The following ANK1 variants were observed in gnomAD, a reference collection of about 807,000 sequenced individuals.
The protein encoded by ANK1 is ankyrin 1.
In ANK1, 51 loss-of-function variants were observed where a neutral mutation model predicts 210.4. The ratio of observed to expected loss-of-function variants is 0.24; its 90% CI spans 0.19 to 0.31. The LOEUF (loss-of-function observed/expected upper bound fraction) is 0.31, where lower values mean the gene tolerates loss of function less well. ANK1 is among the 10% of genes least tolerant of loss of function. The pLI is 1.00. For synonymous variants in ANK1, 967 were observed against 1,025.9 expected (o/e 0.94, Z 1.10); for missense variants, 2,051 against 2,504.4 (o/e 0.82, Z 3.86).
chr8:41,824,530 A>T (rs1224062017), intron 1 of ANK1, among the ~76,000 whole-genome samples: 1 of 152,280 alleles, frequency 6.6e-6, no homozygotes, highest in Non-Finnish European at 1.5e-5. Flanking sequence ...CAGAAATTCT[A>T]TTTCCACAGA....
chr8:41,890,993 A>T (rs985847709), intron 1 of ANK1, among the ~76,000 whole-genome samples: 1 of 152,232 alleles, frequency 6.6e-6, no homozygotes, highest in African/African-American at 2.4e-5. Context: ...AGTAGAAGAG[A>T]TAAAACAAGA....
intron 42 of ANK1, among the ~76,000 whole-genome samples, chr8:41,657,419 G>A (rs1806134481): frequency 6.6e-6 from 1 of 152,182 alleles, no homozygotes; most frequent in African/African-American, 2.4e-5. Context: ...ACACATAGGT[G>A]CTTAGCATTG....
chr8:41,811,378 T>TG (rs1372407904), intron 1 of ANK1, among the ~76,000 whole-genome samples: 1 of 152,226 alleles, frequency 6.6e-6, no homozygotes, highest in African/African-American at 2.4e-5. Flanking sequence ...AGAAGCAAGA[T>TG]GGAGTCAGTC....
rs1585810972 is a variant in ANK1, at chr8:41,662,021, G to A, written c.5479-80C>T. 3.9e-6 allele frequency: 6 copies of A among 1,528,256 alleles called. No individual in the cohort carries two copies. The Admixed American group carries it at 5.1e-5, about 13-fold the overall frequency. The allele number at this position is 1,528,256 out of a possible 1,614,324, so 94.7% of individuals were successfully genotyped here. On this transcript the variant is annotated intron_variant, in intron 40 of 42. Transcript: ENST00000289734. Reference sequence around the variant, plus strand: ...TGTCTGTAATCTCAGCACTTTGGGAGGCTGACGTGCAGATCATCTGAGGTC... The same window carrying A: ...TGTCTGTAATCTCAGCACTTTGGGAAGCTGACGTGCAGATCATCTGAGGTC...
intron 1 of ANK1, among the ~76,000 whole-genome samples, chr8:41,880,693 G>T (rs1817433896): frequency 6.6e-6 from 1 of 152,248 alleles, no homozygotes. Flanking sequence ...ACTGGGACGA[G>T]GAGCAGTTTG....
At chr8:41,765,531 G>C (rs145554926) in intron 1 of ANK1, among the ~76,000 whole-genome samples, 1 of 152,076 alleles carries the variant, frequency 6.6e-6, no homozygotes, top group African/African-American at 2.4e-5. Context: ...ACAAGCATGC[G>C]CCACTGTGCT....
At chr8:41,784,127 A>G (rs1845888765) in intron 1 of ANK1, among the ~76,000 whole-genome samples, 1 of 151,816 alleles carries the variant, frequency 6.6e-6, no homozygotes, top group African/African-American at 2.4e-5. Flanking sequence ...AAGATTCCAT[A>G]ATCGCATTTG....
At chr8:41,849,898 C>T (rs1397502551) in intron 1 of ANK1, among the ~76,000 whole-genome samples, 1 of 152,116 alleles carries the variant, frequency 6.6e-6, no homozygotes, top group Non-Finnish European at 1.5e-5. Context: ...GGAGCACCTG[C>T]GATTGGCCAG....
exon 1 of ANK1, chr8:41,896,587 G>A: frequency 1.5e-6 from 2 of 1,366,092 alleles, no homozygotes; most frequent in Non-Finnish European, 1.9e-6. Flanking sequence ...CCACAGAGGG[G>A]ACAGCGTTCG....
In ANK1 at chr8:41,843,426, C is replaced by T. The variant is rs1180983186; in HGVS notation, c.126+52929G>A. Among the ~76,000 whole-genome samples the T allele has an allele frequency of 2.7e-5, 4 of 148,252 alleles. No homozygotes were observed. In the East Asian group the frequency reaches 6.0e-4, roughly 22 times the overall value. ...CCACCCACTCCCCGCCCACCCCACA[C>T]TCCTCCCAGTCTCTGTTATCTCTTT... On this transcript the variant is annotated intron_variant, in intron 1 of 42. Transcript: ENST00000265709.
intron 1 of ANK1, among the ~76,000 whole-genome samples, chr8:41,775,636 T>G (rs1331773564): frequency 6.6e-6 from 1 of 152,122 alleles, no homozygotes; most frequent in Non-Finnish European, 1.5e-5. Context: ...TCCCAGCACT[T>G]TGGGAGGTTG....
intron 38 of ANK1, among the ~76,000 whole-genome samples, chr8:41,672,084 G>A (rs961224324): frequency 1.3e-5 from 2 of 152,020 alleles, no homozygotes; most frequent in African/African-American, 4.8e-5. Context: ...CCCTCCCGGC[G>A]CCCATATGTC....
chr8:41,690,296 C>G lies in ANK1; in HGVS notation c.4035G>C (p.Lys1345Asn). 6.2e-7 allele frequency: 1 copy of G among 1,614,260 alleles called. No homozygotes were observed. The highest frequency in any genetic ancestry group is 2.2e-5 in the East Asian group (1 of 44,892). Residue 1345 changes from lysine (K) to asparagine (N), a missense_variant, in exon 33 of 43, where the codon AAG becomes AAC. Lys to Asn is a moderately conservative substitution (Grantham distance 94, BLOSUM62 0). This residue lies in a region of ANK1 where 1,413 missense variants were observed against 1,707.4 expected (regional missense o/e 0.83). Transcript: ENST00000289734. ...GCTGGGTGTCCTCGTACTTCATCGC[C>G]TTGCGCAGAAACGACAGGGACCCTC... The part of the protein sequence containing the change: ...EPGGSLSFLR[K>N]AMKYEDTQHI...
chr8:41,822,107 AG>A (rs1217901286), intron 1 of ANK1, among the ~76,000 whole-genome samples: 26 of 35,662 alleles, frequency 7.3e-4, no homozygotes, highest in East Asian at 7.2e-3. Context: ...AGAGAGAGAG[AG>A]AGAGAGAAAG....
intron 1 of ANK1, among the ~76,000 whole-genome samples, chr8:41,795,916 A>G (rs1441146941): frequency 2.6e-5 from 4 of 152,226 alleles, no homozygotes; most frequent in African/African-American, 9.6e-5. Context: ...AGGACTTGTA[A>G]TGATACCAAC....
intron 2 of ANK1, among the ~76,000 whole-genome samples, chr8:41,751,287 G>C (rs547918966): frequency 1.3e-5 from 2 of 152,288 alleles, no homozygotes; most frequent in Admixed American, 6.5e-5. Context: ...TCTACCATAG[G>C]ACACATCCTA....
chr8:41,658,757 G>T (rs1806666940), intron 42 of ANK1, among the ~76,000 whole-genome samples: 1 of 152,140 alleles, frequency 6.6e-6, no homozygotes, highest in Admixed American at 6.5e-5. Context: ...GCCAAGGGTG[G>T]TGGCACATGC....
chr8:41,842,321 G>A (rs888092044), intron 1 of ANK1, among the ~76,000 whole-genome samples: 6 of 152,018 alleles, frequency 3.9e-5, no homozygotes, highest in South Asian at 2.1e-4. Context: ...TGAAACCCCC[G>A]TCTCTACTAA....
At position 41,694,233 on chromosome 8, in the gene ANK1, C is replaced by T. The variant is rs755385715; in HGVS notation, c.3328-131G>A. On this transcript the variant is annotated intron_variant, in intron 28 of 42. Coordinates refer to ENST00000289734, the MANE Select transcript of ANK1 (RefSeq NM_000037.4). The surrounding 1 kb of genome is among the most constrained non-coding windows in gnomAD (Gnocchi z 5.7). Reference sequence around the variant, plus strand: ...CCGCCCTGCTGTTGGACCACAGAACCGACACGGTGGAGCTTGCCTTCCTGA... The same window carrying T: ...CCGCCCTGCTGTTGGACCACAGAACTGACACGGTGGAGCTTGCCTTCCTGA... 48 of 991,338 alleles carry T rather than the reference C, an allele frequency of 4.8e-5. No individual in the cohort carries two copies. Among genetic ancestry groups the T allele is most frequent in the African/African-American group, 1.1e-4 (7 of 61,616 alleles). The allele number at this position is 991,338 out of a possible 1,614,324, so 61.4% of individuals were successfully genotyped here. A position where few individuals can be genotyped will look rare whatever the true frequency, so the allele number is the denominator to read the frequency against.
Sources: gnomAD v4.1 joint callset for allele counts (sites outside exome capture counted in the v4.1 genomes callset) on GRCh38, gnomAD v4.1.1 for gene constraint, gnomAD v4.1.1 regional missense constraint, Gnocchi (gnomAD v3.1) non-coding constraint, MANE v1.5 for transcripts, NCBI Gene and HGNC (gene_info 2026-07-23, HGNC 2026-07-21) for gene names.